The following LYRM4 variants were observed in gnomAD, a reference collection of about 807,000 sequenced individuals.
LYRM4 encodes LYR motif-containing protein 4.
Under a neutral mutation model 11.7 loss-of-function variants are expected in LYRM4, and 9 were observed. The observed-to-expected ratio is 0.77, with a 90% confidence interval of 0.46 to 1.34. The LOEUF (loss-of-function observed/expected upper bound fraction) is 1.34. Among genes scored for constraint, LYRM4 ranks in the 40% most tolerant of loss-of-function variants. LYRM4 has a pLI of 0.00. For missense variants in LYRM4, 133 were observed against 112.5 expected, an observed-to-expected ratio of 1.18 and a Z score of -0.82; for synonymous variants, 42 against 40.4, an observed-to-expected ratio of 1.04 and a Z score of -0.15.
chr6:5,181,686 G>A (rs1760084669), intron 2 of LYRM4, among the ~76,000 whole-genome samples: 1 of 152,022 alleles, frequency 6.6e-6, no homozygotes, highest in South Asian at 2.1e-4. Flanking sequence ...CCTCCCTGCC[G>A]AGCTCTCTCT....
intron 2 of LYRM4, among the ~76,000 whole-genome samples, chr6:5,211,003 T>C (rs1470537280): frequency 2.0e-5 from 3 of 152,200 alleles, no homozygotes; most frequent in Admixed American, 6.5e-5. Flanking sequence ...TAGATAGGGA[T>C]TGACTTCCCT....
the LYRM4 span, among the ~76,000 whole-genome samples, chr6:5,058,737 G>A: frequency 1.3e-5 from 2 of 152,110 alleles, no homozygotes; most frequent in South Asian, 2.1e-4. Context: ...TGCTTGATTC[G>A]GTTTTACAGC....
the LYRM4 span, chr6:5,032,444 T>C: frequency 5.3e-5 from 8 of 152,254 alleles, no homozygotes; most frequent in African/African-American, 1.4e-4. Flanking sequence ...TAATGAGTTA[T>C]GACTATTGTT....
intron 2 of LYRM4, among the ~76,000 whole-genome samples, chr6:5,183,499 G>C (rs967031026): frequency 2.0e-5 from 3 of 152,104 alleles, no homozygotes; most frequent in Admixed American, 6.5e-5. Flanking sequence ...CTATTCAAAA[G>C]GAATGAACTT....
At chr6:5,150,598 T>C (rs1758033170) in intron 2 of LYRM4, among the ~76,000 whole-genome samples, 1 of 152,200 alleles carries the variant, frequency 6.6e-6, no homozygotes. Flanking sequence ...TCTTTCTTTG[T>C]GGTCTCTCCT....
chr6:5,038,938 T>C, the LYRM4 span, among the ~76,000 whole-genome samples: 21 of 131,366 alleles, frequency 1.6e-4, 5 homozygotes, highest in African/African-American at 7.1e-4. Context: ...GGGAGAGCTT[T>C]AGCTTGTATT....
chr6:5,130,325 C>T (rs1763894642), intron 2 of LYRM4, among the ~76,000 whole-genome samples: 1 of 152,092 alleles, frequency 6.6e-6, no homozygotes, highest in Non-Finnish European at 1.5e-5. Flanking sequence ...GTCACTGCCT[C>T]CCAAGTGAGC....
the LYRM4 span, among the ~76,000 whole-genome samples, chr6:5,056,555 A>G: frequency 6.6e-6 from 1 of 152,230 alleles, no homozygotes; most frequent in Non-Finnish European, 1.5e-5. Context: ...TGGTTCACTG[A>G]AAAATGCAGG....
the LYRM4 span, among the ~76,000 whole-genome samples, chr6:5,056,892 C>G: frequency 6.6e-6 from 1 of 152,144 alleles, no homozygotes; most frequent in Non-Finnish European, 1.5e-5. Flanking sequence ...GCAGCCAGTT[C>G]AACTCAAAAC....
intron 2 of LYRM4, among the ~76,000 whole-genome samples, chr6:5,119,895 G>T (rs943241482): frequency 6.6e-6 from 1 of 151,518 alleles, no homozygotes; most frequent in East Asian, 1.9e-4. Flanking sequence ...TCATAGGAAA[G>T]GGAATGAAAC....
intron 2 of LYRM4, among the ~76,000 whole-genome samples, chr6:5,124,306 GCT>G (rs1393763705): frequency 6.6e-6 from 1 of 152,172 alleles, no homozygotes; most frequent in Non-Finnish European, 1.5e-5. Flanking sequence ...TGCCCCCGCT[GCT>G]CTGTCTCAGG....
chr6:5,251,314 C>A (rs1420253448), intron 1 of LYRM4, among the ~76,000 whole-genome samples: 2 of 152,104 alleles, frequency 1.3e-5, no homozygotes, highest in Admixed American at 1.3e-4. Context: ...CTTGTTAATA[C>A]TATTCATATT....
chr6:5,134,922 T>TGTGGAGGGTGCGGATCGCTCCC lies in LYRM4; in HGVS notation c.208-25432_208-25431insGGGAGCGATCCGCACCCTCCAC, dbSNP rs1561819172. Among the ~76,000 whole-genome samples the TGTGGAGGGTGCGGATCGCTCCC allele has an allele frequency of 2.1e-3, 222 of 105,112 alleles. 45 individuals carry two copies. The highest frequency in any genetic ancestry group is 4.5e-3 in the African/African-American group (124 of 27,632). The allele number at this position is 105,112 out of a possible 152,430, so 69.0% of individuals were successfully genotyped here. A position where few individuals can be genotyped will look rare whatever the true frequency, so the allele number is the denominator to read the frequency against. On this transcript the variant is annotated intron_variant, in intron 2 of 2. Coordinates refer to ENST00000330636, the MANE Select transcript of LYRM4 (RefSeq NM_020408.6). Reference sequence around the variant, plus strand: ...GGCTGTGGAGGGTGCGGTTCACTCCTGGGACTGTGGAGGGTGCGGATCACT... The same window carrying TGTGGAGGGTGCGGATCGCTCCC: ...GGCTGTGGAGGGTGCGGTTCACTCCTGTGGAGGGTGCGGATCGCTCCCGGGACTGTGGAGGGTGCGGATCACT...
chr6:5,239,689 G>A (rs750388856), intron 1 of LYRM4, among the ~76,000 whole-genome samples: 7 of 152,212 alleles, frequency 4.6e-5, no homozygotes, highest in South Asian at 2.1e-4. Flanking sequence ...CTGCAGCAGA[G>A]TGAGGAGTGA....
At chr6:5,219,070 T>C (rs1762436836) in intron 1 of LYRM4, among the ~76,000 whole-genome samples, 1 of 152,230 alleles carries the variant, frequency 6.6e-6, no homozygotes, top group Non-Finnish European at 1.5e-5. Context: ...ATTTTTCATT[T>C]CGTATGCTGC....
At chr6:5,112,174 C>A (rs1327587351) in intron 2 of LYRM4, among the ~76,000 whole-genome samples, 1 of 152,214 alleles carries the variant, frequency 6.6e-6, no homozygotes, top group Non-Finnish European at 1.5e-5. Context: ...AGCCCGTGCT[C>A]CTCTTTGCAG....
chr6:5,055,628 C>T, the LYRM4 span, among the ~76,000 whole-genome samples: 54 of 152,298 alleles, frequency 3.5e-4, 1 homozygote, highest in African/African-American at 1.3e-3. The surrounding 1 kb of genome is among the most constrained non-coding windows in gnomAD (Gnocchi z 4.5). Context: ...AAGTGTTTCA[C>T]GTTCTTGACT....
At chr6:5,106,432 C>T (rs1032767910), downstream of LYRM4, 7 of 152,298 alleles carry the variant, frequency 4.6e-5, no homozygotes, top group African/African-American at 1.7e-4. Context: ...TTGTAGGCTT[C>T]ACCCTCTGCC....
At chr6:5,113,337 A>G (rs1452212842) in intron 2 of LYRM4, 2 of 450,414 alleles carry the variant, frequency 4.4e-6, no homozygotes, top group East Asian at 7.3e-5. Flanking sequence ...AGGCAGAAGA[A>G]TGGTTTGAAC....
Sources: gnomAD v4.1 joint callset for allele counts (sites outside exome capture counted in the v4.1 genomes callset) on GRCh38, gnomAD v4.1.1 for gene constraint, Gnocchi (gnomAD v3.1) non-coding constraint, MANE v1.5 for transcripts, NCBI Gene and HGNC (gene_info 2026-07-23, HGNC 2026-07-21) for gene names.